LRPPRC: variants seen among roughly 807,000 people sequenced by gnomAD.
LRPPRC encodes the protein leucine rich pentatricopeptide repeat containing.
LRPPRC carries 120 observed loss-of-function variants against 180.3 expected under a neutral mutation model. The ratio of observed to expected loss-of-function variants is 0.67; its 90% CI spans 0.57 to 0.77. The LOEUF is 0.77. LRPPRC is among the 30% of genes least tolerant of loss of function. The pLI, the probability that LRPPRC is intolerant of heterozygous loss-of-function variation, is 0.00. For missense variants in LRPPRC, 2,012 were observed against 1,657.2 expected (o/e 1.21, Z -3.72); for synonymous variants, 723 against 600.0 (o/e 1.21, Z -3.00).
intron 23 of LRPPRC, among the ~76,000 whole-genome samples, chr2:43,935,851 G>A (rs537512971): frequency 6.6e-6 from 1 of 152,346 alleles, no homozygotes; most frequent in Non-Finnish European, 1.5e-5. Flanking sequence ...GGTGGCTCAT[G>A]CCTGTAATCC....
At chr2:43,963,812 T>G (rs893478729) in intron 11 of LRPPRC, 106 bp from the exon 12 acceptor site, 3 of 773,024 alleles carry the variant, frequency 3.9e-6, no homozygotes, top group Middle Eastern at 3.3e-4. Context: ...ATAAGAAAAT[T>G]ACTCAGCAAT....
intron 1 of LRPPRC, among the ~76,000 whole-genome samples, chr2:43,995,164 C>T (rs886317240): frequency 1.3e-5 from 2 of 152,160 alleles, no homozygotes; most frequent in Admixed American, 6.5e-5. Context: ...TCGCTTGAAC[C>T]CGGGAAGCGG....
intron 30 of LRPPRC, among the ~76,000 whole-genome samples, chr2:43,909,239 T>C (rs1421177419): frequency 1.3e-5 from 2 of 152,192 alleles, no homozygotes; most frequent in Non-Finnish European, 2.9e-5. Context: ...GATATAACAT[T>C]TTATTGGTTC....
intron 12 of LRPPRC, among the ~76,000 whole-genome samples, chr2:43,961,260 G>A (rs916991711): frequency 9.2e-5 from 14 of 152,176 alleles, no homozygotes; most frequent in African/African-American, 3.1e-4. Context: ...ACAAATATGA[G>A]AGAAGTGTAA....
chr2:43,932,281 A>G (rs552762219), intron 25 of LRPPRC, among the ~76,000 whole-genome samples: 69 of 152,064 alleles, frequency 4.5e-4, no homozygotes, highest in Non-Finnish European at 7.6e-4. Flanking sequence ...TTCTTCATTT[A>G]ATGAGCTTAT....
At chr2:43,963,481 A>T in intron 12 of LRPPRC, 107 bp downstream of exon 12, 1 of 792,604 alleles carries the variant, frequency 1.3e-6, no homozygotes, top group South Asian at 1.4e-5. Flanking sequence ...TACAGATTTG[A>T]CCATTTTGAG....
rs1675026685 is a variant in LRPPRC, at chr2:43,995,776, G to C, written c.149+23C>G. On this transcript the variant is annotated intron_variant, in intron 1 of 37. Transcript: ENST00000260665. ...GGGACCCTGGCGCCGCAGCTTGCCT[G>C]GAGAAAGGGCCTGGGCACTCACCCG... 1.8e-5 allele frequency: 24 copies of C among 1,351,552 alleles called. No individual in the cohort carries two copies. In the South Asian group the frequency reaches 3.5e-4, roughly 20 times the overall value. 83.7% of individuals were successfully genotyped at this position (1,351,552 alleles called of 1,614,324 possible).
chr2:43,952,150 G>A (rs1672932975), intron 14 of LRPPRC, among the ~76,000 whole-genome samples: 1 of 151,804 alleles, frequency 6.6e-6, no homozygotes, highest in African/African-American at 2.4e-5. Flanking sequence ...CCAAGATCGC[G>A]CCACTGCACT....
rs115542142 is a variant in LRPPRC at position 43,995,275 on chromosome 2, A to C, written c.149+524T>G. ...AACTCCATTCAAGAGAACGCAGGCA[A>C]AAGCCCAAAGTGATCATAATCCAGC... On this transcript the variant is annotated intron_variant, in intron 1 of 37. Transcript: ENST00000260665. 6.0e-3 allele frequency among the ~76,000 whole-genome samples: 912 copies of C among 152,300 alleles called. 10 individuals are homozygous for C. Among genetic ancestry groups the C allele is most frequent in the African/African-American group, 0.021 (869 of 41,560 alleles).
chr2:43,903,349 A>G lies in LRPPRC; in HGVS notation c.3365-1825T>C, dbSNP rs1291616802. On this transcript the variant is annotated intron_variant, in intron 31 of 37. Coordinates refer to ENST00000260665, the MANE Select transcript of LRPPRC (RefSeq NM_133259.4). ...CACGTATCAGCTATTAATATTCACC[A>G]ACAGTAAAATTTAATCGGCTTTATT... 2.6e-5 allele frequency: 4 copies of G among 152,206 alleles called. No individual in the cohort carries two copies. In the South Asian group the frequency reaches 8.3e-4, roughly 31 times the overall value. The allele number at this position is 152,206 out of a possible 1,614,324, so 9.4% of individuals were successfully genotyped here.
At chr2:43,971,830 T>C (rs929530683) in intron 11 of LRPPRC, among the ~76,000 whole-genome samples, 10 of 152,180 alleles carry the variant, frequency 6.6e-5, no homozygotes, top group African/African-American at 1.4e-4. Context: ...GACTGTAGAA[T>C]ATATACTTTA....
rs527260010 is a variant in LRPPRC, at chr2:43,888,117, C to T, written c.*483G>A. The T allele has an allele frequency of 5.5e-5, 10 of 181,746 alleles. No homozygotes were observed. Among genetic ancestry groups the T allele is most frequent in the Non-Finnish European group, 8.1e-5 (7 of 86,386 alleles). The allele number at this position is 181,746 out of a possible 1,614,324, so 11.3% of individuals were successfully genotyped here. A position where few individuals can be genotyped will look rare whatever the true frequency, so the allele number is the denominator to read the frequency against. On this transcript the variant is annotated 3_prime_UTR_variant, in exon 38 of 38. Coordinates refer to ENST00000260665, the MANE Select transcript of LRPPRC (RefSeq NM_133259.4). Reference sequence around the variant, plus strand: ...AAATGATGAAGCCTAGATCTGATGACTCCTAGTGCCAACATTTAACAAAGT... The same window carrying T: ...AAATGATGAAGCCTAGATCTGATGATTCCTAGTGCCAACATTTAACAAAGT...
At chr2:43,975,540 T>C (rs1408966569) in intron 6 of LRPPRC, among the ~76,000 whole-genome samples, 6 of 152,110 alleles carry the variant, frequency 3.9e-5, no homozygotes, top group Non-Finnish European at 8.8e-5. Flanking sequence ...AATAAAAATA[T>C]TTTCCAGAGC....
chr2:43,898,325 C>T (rs1376852721), intron 34 of LRPPRC, among the ~76,000 whole-genome samples: 3 of 152,148 alleles, frequency 2.0e-5, no homozygotes, highest in East Asian at 3.8e-4. Context: ...GGTAGTTTTA[C>T]CTTCCCTATC....
intron 22 of LRPPRC, among the ~76,000 whole-genome samples, chr2:43,944,408 T>C (rs991158672): frequency 9.2e-5 from 14 of 152,102 alleles, no homozygotes; most frequent in Non-Finnish European, 2.9e-5. Context: ...TTAGATTCAT[T>C]AAGCTTCATT....
intron 29 of LRPPRC, among the ~76,000 whole-genome samples, chr2:43,915,232 T>TCACACA (rs375631611): frequency 3.9e-5 from 2 of 51,886 alleles, no homozygotes; most frequent in Non-Finnish European, 6.9e-5. Context: ...TCTCTCTCTC[T>TCACACA]CACACACACA....
chr2:43,952,642 C>A (rs1042273297), intron 14 of LRPPRC, among the ~76,000 whole-genome samples: 1 of 152,138 alleles, frequency 6.6e-6, no homozygotes, highest in Non-Finnish European at 1.5e-5. Flanking sequence ...TAAAAGTGAC[C>A]CAGACTTTGT....
intron 1 of LRPPRC, among the ~76,000 whole-genome samples, chr2:43,987,201 T>C (rs547961568): frequency 5.9e-5 from 9 of 152,198 alleles, no homozygotes; most frequent in African/African-American, 2.2e-4. Context: ...CTTTTAAAAA[T>C]GTTTGGTAAT....
Position 43,888,672 on chromosome 2 carries a change from AAAG to A in LRPPRC, c.4129-19_4129-17del, listed in dbSNP as rs1449163460. ...CAAAGCTTTCCTGTTAAGGAGAAAA[AAAG>A]AGGGAAGTTAGAGATACCAGCAAGA... On this transcript the variant is annotated splice_polypyrimidine_tract_variant and intron_variant, in intron 37 of 37. Coordinates refer to ENST00000260665, the MANE Select transcript of LRPPRC (RefSeq NM_133259.4). The A allele has an allele frequency of 7.3e-6, 11 of 1,510,242 alleles. No individual in the cohort carries two copies. Among genetic ancestry groups the A allele is most frequent in the Non-Finnish European group, 8.3e-6 (9 of 1,086,114 alleles). 93.6% of individuals were successfully genotyped at this position (1,510,242 alleles called of 1,614,324 possible).
Sources: gnomAD v4.1 joint callset for allele counts (sites outside exome capture counted in the v4.1 genomes callset) on GRCh38, gnomAD v4.1.1 for gene constraint, MANE v1.5 for transcripts, NCBI Gene and HGNC (gene_info 2026-07-23, HGNC 2026-07-21) for gene names.